CTNNA3: variants seen among roughly 807,000 people sequenced by gnomAD.
CTNNA3 encodes the protein catenin alpha 3.
A neutral mutation model predicts 95.7 loss-of-function variants in CTNNA3; 76 were observed. The observed-to-expected ratio is 0.79, with a 90% CI of 0.66 to 0.96. CTNNA3 has a LOEUF of 0.96. Ranked by LOEUF, CTNNA3 falls within the 40% of genes least tolerant of loss-of-function variation. The pLI, the probability that CTNNA3 is intolerant of heterozygous loss-of-function variation, is 0.00. For synonymous variants in CTNNA3, 431 were observed against 374.4 expected, an observed-to-expected ratio of 1.15 and a Z score of -1.74; for missense variants, 1,191 against 1,089.8, an observed-to-expected ratio of 1.09 and a Z score of -1.31.
intron 7 of CTNNA3, among the ~76,000 whole-genome samples, chr10:66,973,665 C>T (rs1051573193): frequency 6.6e-6 from 1 of 152,046 alleles, no homozygotes; most frequent in Non-Finnish European, 1.5e-5. Context: ...TCACTGTCAC[C>T]CCAGCTGGAG....
At chr10:66,086,584 T>A (rs567034011) in intron 14 of CTNNA3, among the ~76,000 whole-genome samples, 107 of 152,036 alleles carry the variant, frequency 7.0e-4, no homozygotes, top group African/African-American at 2.4e-3. Flanking sequence ...AAACAAAAAA[T>A]TTAAAAAGGA....
intron 7 of CTNNA3, among the ~76,000 whole-genome samples, chr10:67,027,335 C>A (rs910711374): frequency 5.9e-5 from 9 of 151,986 alleles, no homozygotes; most frequent in Admixed American, 4.6e-4. Context: ...AACTGACATT[C>A]TTCTAAAATT....
chr10:65,940,356 T>C (rs927329229), intron 17 of CTNNA3, among the ~76,000 whole-genome samples: 2 of 152,212 alleles, frequency 1.3e-5, no homozygotes, highest in Non-Finnish European at 2.9e-5. Context: ...ATTGTTAATC[T>C]ATAAACTACA....
intron 7 of CTNNA3, among the ~76,000 whole-genome samples, chr10:67,102,153 A>C (rs1040379449): frequency 6.6e-6 from 1 of 151,624 alleles, no homozygotes; most frequent in East Asian, 1.9e-4. Flanking sequence ...AGAGCTTCCA[A>C]CTCCTCCCAT....
At chr10:66,261,902 T>A (rs1268118811) in intron 13 of CTNNA3, among the ~76,000 whole-genome samples, 1 of 151,908 alleles carries the variant, frequency 6.6e-6, no homozygotes, top group African/African-American at 2.4e-5. Flanking sequence ...CTCCACACTT[T>A]GACCCACTCC....
At chr10:67,072,083 G>A (rs1422568042) in intron 7 of CTNNA3, among the ~76,000 whole-genome samples, 2 of 152,132 alleles carry the variant, frequency 1.3e-5, no homozygotes, top group African/African-American at 2.4e-5. Context: ...CTCTTGAGTA[G>A]CTGGGATTAC....
chr10:66,133,752 T>G (rs1431395668), intron 13 of CTNNA3, among the ~76,000 whole-genome samples: 1 of 152,052 alleles, frequency 6.6e-6, no homozygotes, highest in African/African-American at 2.4e-5. Flanking sequence ...GTAATAAGGA[T>G]GAAATCTCAA....
intron 5 of CTNNA3, among the ~76,000 whole-genome samples, chr10:67,269,977 TGAATGCTA>T (rs1838899706): frequency 6.6e-6 from 1 of 152,136 alleles, no homozygotes; most frequent in Non-Finnish European, 1.5e-5. Context: ...AGGTCTGTAC[TGAATGCTA>T]ATGCATTTGT....
At chr10:66,411,935 G>C (rs1203767781) in intron 11 of CTNNA3, among the ~76,000 whole-genome samples, 1 of 152,014 alleles carries the variant, frequency 6.6e-6, no homozygotes, top group Non-Finnish European at 1.5e-5. Context: ...TCTGAAGCCT[G>C]TAAGGATTCT....
intron 10 of CTNNA3, among the ~76,000 whole-genome samples, chr10:66,613,869 T>C (rs1844416176): frequency 6.6e-6 from 1 of 152,080 alleles, no homozygotes; most frequent in Non-Finnish European, 1.5e-5. Flanking sequence ...GGGTCCTATA[T>C]TGTTTAGTTG....
At chr10:66,899,063 G>C (rs1027530272) in intron 7 of CTNNA3, among the ~76,000 whole-genome samples, 2 of 152,150 alleles carry the variant, frequency 1.3e-5, no homozygotes, top group Non-Finnish European at 2.9e-5. Flanking sequence ...GACTTCAATA[G>C]ACATTTCTTC....
At chr10:66,831,549 T>C (rs1007465919) in intron 7 of CTNNA3, among the ~76,000 whole-genome samples, 6 of 152,312 alleles carry the variant, frequency 3.9e-5, no homozygotes, top group Non-Finnish European at 8.8e-5. Flanking sequence ...TCTCTACCAG[T>C]TGGCACTTCA....
chr10:66,231,513 A>G (rs1201269254), intron 13 of CTNNA3, among the ~76,000 whole-genome samples: 2 of 152,204 alleles, frequency 1.3e-5, no homozygotes, highest in East Asian at 3.9e-4. Flanking sequence ...TTAAGATTGT[A>G]ACCTGATCCA....
intron 7 of CTNNA3, among the ~76,000 whole-genome samples, chr10:66,843,227 G>C (rs12359481): frequency 3.3e-3 from 505 of 152,222 alleles, no homozygotes; most frequent in Admixed American, 5.8e-3. Context: ...CCAAGCTCAG[G>C]GGGGTTTACG....
rs780903815 is a variant in CTNNA3 at position 65,920,493 on chromosome 10, C to T, written c.2525G>A (p.Arg842Gln). The T allele has an allele frequency of 4.5e-5, 73 of 1,614,048 alleles. No homozygotes were observed. The highest frequency in any genetic ancestry group is 5.4e-5 in the Non-Finnish European group (64 of 1,180,014). The change falls in exon 18 of 18, where the codon CGG (arginine) becomes CAG (glutamine). Residue 842 changes from arginine to glutamine, a missense_variant. By Grantham distance (43) the Arg-to-Gln change is conservative. Coordinates refer to ENST00000433211, the MANE Select transcript of CTNNA3 (RefSeq NM_013266.4). ...IIRIQSPAGP[R>Q]HPVVMWRMKA... The stretch of plus-strand genomic sequence containing the variant: ...CATTCTCCACATCACAACTGGGTGC[C>T]GGGGCCCAGCAGGACTCTGGATTCG...
chr10:66,992,044 G>A (rs1477484086), intron 7 of CTNNA3, among the ~76,000 whole-genome samples: 1 of 151,950 alleles, frequency 6.6e-6, no homozygotes, highest in Non-Finnish European at 1.5e-5. Flanking sequence ...ATGTCTCTTT[G>A]TGAACGTCAA....
intron 17 of CTNNA3, among the ~76,000 whole-genome samples, chr10:65,925,648 G>A (rs1002054202): frequency 6.6e-6 from 1 of 152,052 alleles, no homozygotes; most frequent in Non-Finnish European, 1.5e-5. Context: ...TATTGGCTAG[G>A]TCAGTCCCCA....
intron 5 of CTNNA3, among the ~76,000 whole-genome samples, chr10:67,339,832 TTTGA>T (rs1842116453): frequency 6.6e-6 from 1 of 152,178 alleles, no homozygotes; most frequent in Non-Finnish European, 1.5e-5. Flanking sequence ...TGTGCTTTGT[TTTGA>T]TTGATTTAGA....
intron 7 of CTNNA3, among the ~76,000 whole-genome samples, chr10:66,981,904 A>G (rs1850463282): frequency 6.6e-6 from 1 of 152,188 alleles, no homozygotes; most frequent in South Asian, 2.1e-4. Flanking sequence ...CATCAAAAGA[A>G]CAAAGAGAAA....
Sources: allele counts gnomAD v4.1 joint callset (sites outside exome capture counted in the v4.1 genomes callset), GRCh38; gene constraint gnomAD v4.1.1; transcripts MANE v1.5; gene names NCBI Gene and HGNC (gene_info 2026-07-23, HGNC 2026-07-21).